Variants in EPHB4 observed in about 807,000 individuals in gnomAD.
The protein encoded by EPHB4 is ephrin type-B receptor 4.
In EPHB4, 50 loss-of-function variants were observed where a neutral mutation model predicts 110.6. That is an observed-to-expected ratio of 0.45 (90% CI 0.36 to 0.57). EPHB4 has a LOEUF of 0.57. Among genes scored for constraint, EPHB4 ranks in the 20% least tolerant of loss-of-function variants. The pLI, the probability that EPHB4 is intolerant of heterozygous loss-of-function variation, is 0.00. For synonymous variants in EPHB4, 592 were observed against 578.4 expected (o/e 1.02, Z -0.34); for missense variants, 1,128 against 1,382.1 (o/e 0.82, Z 2.91).
intron 12 of EPHB4, among the ~76,000 whole-genome samples, chr7:100,812,324 TCA>T (rs1812953630): frequency 6.6e-6 from 1 of 151,938 alleles, no homozygotes; most frequent in Admixed American, 6.6e-5. Context: ...GCGTGGTGCC[TCA>T]CACCTGTAAT....
At chr7:100,816,651 G>A (rs932904140) in intron 8 of EPHB4, among the ~76,000 whole-genome samples, 9 of 152,174 alleles carry the variant, frequency 5.9e-5, no homozygotes, top group South Asian at 4.1e-4. Context: ...AGCTTTGATC[G>A]AGCAACTGCG....
intron 14 of EPHB4, 48 bp downstream of exon 14, chr7:100,806,372 G>A: frequency 6.3e-7 from 1 of 1,576,778 alleles, no homozygotes; most frequent in Non-Finnish European, 8.6e-7. Context: ...CCAAATCCCA[G>A]GTGAGAGAAC....
In EPHB4 at chr7:100,805,154, G is replaced by A. The variant is rs777370884; in HGVS notation, c.2834+12C>T. ...CTCTCCCAGCCCCACTCCAGCTCCTGCCACTGCTTACTCAGCAGAGATCTG... is the reference window on the plus strand; with the variant it reads ...CTCTCCCAGCCCCACTCCAGCTCCTACCACTGCTTACTCAGCAGAGATCTG... On this transcript the variant is annotated intron_variant, in intron 16 of 16. Coordinates refer to ENST00000358173, the MANE Select transcript of EPHB4 (RefSeq NM_004444.5). 1 of 1,610,794 alleles carries A rather than the reference G, an allele frequency of 6.2e-7. No homozygotes were observed. The highest frequency in any genetic ancestry group is 1.7e-5 in the Admixed American group (1 of 59,580).
Position 100,811,754 on chromosome 7 carries a change from C to T in EPHB4, c.2118+993G>A, listed in dbSNP as rs376833342. On this transcript the variant is annotated intron_variant, in intron 12 of 16. Coordinates refer to ENST00000358173, the MANE Select transcript of EPHB4 (RefSeq NM_004444.5). ...GCATGGTGGTACATGAGTGTAGTTC[C>T]AGCTACTCAGGAGGCTGAGGCGGGA... Among the ~76,000 whole-genome samples, 162 of 151,408 alleles carry T rather than the reference C, an allele frequency of 1.1e-3. 1 individual carries two copies. The highest frequency in any genetic ancestry group is 3.2e-3 in the African/African-American group (131 of 41,232).
At chr7:100,826,790 A>T (rs1178296008) in intron 1 of EPHB4, 189 bp downstream of exon 1, 1 of 581,602 alleles carries the variant, frequency 1.7e-6, no homozygotes, top group Non-Finnish European at 2.9e-6. Context: ...AAACAAAAGA[A>T]AACTCCACTA....
At chr7:100,824,400 G>A (rs1813320132) in intron 1 of EPHB4, 127 bp from the exon 2 acceptor site, 5 of 994,416 alleles carry the variant, frequency 5.0e-6, no homozygotes, top group African/African-American at 3.2e-5. Context: ...GGGGCCAAGA[G>A]GGGAGCAAGC....
rs961958871 is a variant in EPHB4, at chr7:100,827,086, C to G, written c.-56G>C. ...TGAGTTTGGGGGGCCCTCGCCCCCC[C>G]AGGTCTGACTCTCCCTGGGCGGGTG... On this transcript the variant is annotated 5_prime_UTR_variant, in exon 1 of 17. Coordinates refer to ENST00000358173, the MANE Select transcript of EPHB4 (RefSeq NM_004444.5). 2.3e-4 allele frequency: 348 copies of G among 1,537,150 alleles called. No individual in the cohort carries two copies. The highest frequency in any genetic ancestry group is 3.0e-4 in the Non-Finnish European group (337 of 1,136,434).
Position 100,822,616 on chromosome 7 carries a change from C to T in EPHB4, c.463G>A (p.Ala155Thr). The part of the protein sequence containing the change: ...HLTRKRPGAE[A>T]TGKVNVKTLR... Reference sequence around the variant, plus strand: ...GTCTTGACATTCACCTTCCCGGTGGCCTCGGCCCCAGGGCGCTTCCGGGTG... The same window carrying T: ...GTCTTGACATTCACCTTCCCGGTGGTCTCGGCCCCAGGGCGCTTCCGGGTG... Residue 155 changes from alanine (A) to threonine (T), a missense_variant, in exon 4 of 17, where the codon GCC becomes ACC. Physicochemically the swap from Ala to Thr is moderately conservative, Grantham distance 58 (BLOSUM62 0). Coordinates refer to ENST00000358173, the MANE Select transcript of EPHB4 (RefSeq NM_004444.5). This position sits in a 1 kb window ranked among gnomAD's most constrained non-coding sequence, Gnocchi z 4.7. 1.2e-6 allele frequency: 2 copies of T among 1,603,140 alleles called. No individual in the cohort carries two copies. The highest frequency in any genetic ancestry group is 1.7e-6 in the Non-Finnish European group (2 of 1,173,232).
At chr7:100,814,340 G>A (rs938624389) in intron 8 of EPHB4, among the ~76,000 whole-genome samples, 1 of 152,164 alleles carries the variant, frequency 6.6e-6, no homozygotes, top group Admixed American at 6.5e-5. Flanking sequence ...GTGCAGTGGC[G>A]CAATCTCAGC....
chr7:100,827,154 C>G lies in EPHB4; in HGVS notation c.-124G>C, dbSNP rs2571606. 0.24 allele frequency: 258,081 copies of G among 1,055,592 alleles called. 35,701 individuals carry two copies. Among genetic ancestry groups the G allele is most frequent in the East Asian group, 0.61 (20,452 of 33,330 alleles). 65.4% of individuals were successfully genotyped at this position (1,055,592 alleles called of 1,614,324 possible). On this transcript the variant is annotated 5_prime_UTR_variant, in exon 1 of 17. Coordinates refer to ENST00000358173, the MANE Select transcript of EPHB4 (RefSeq NM_004444.5). The stretch of plus-strand genomic sequence containing the variant: ...CGGGACTCCTCGTCGGGGCCCTCAG[C>G]GCGGGCCCATGCGAGCGTGCGGGGC...
intron 14 of EPHB4, chr7:100,805,945 A>G: frequency 2.4e-6 from 1 of 411,506 alleles, no homozygotes; most frequent in East Asian, 3.7e-5. Context: ...TGCGACCCAA[A>G]TATGCTGTAC....
chr7:100,810,573 T>C (rs1043388002), intron 12 of EPHB4, among the ~76,000 whole-genome samples: 1 of 151,128 alleles, frequency 6.6e-6, no homozygotes, highest in African/African-American at 2.4e-5. Flanking sequence ...GAGACCCCCA[T>C]CTCCGTAAAA....
intron 8 of EPHB4, among the ~76,000 whole-genome samples, chr7:100,814,403 G>A (rs1401708389): frequency 1.3e-5 from 2 of 152,122 alleles, no homozygotes; most frequent in African/African-American, 4.8e-5. Flanking sequence ...TCAGCCTCCT[G>A]AGTAGCTGGG....
rs568361785 is a variant in EPHB4 at position 100,803,629 on chromosome 7, C to G, written c.2835-39G>C. ...GGAGAGCTTGGTGAGACCCTAGGTT[C>G]CCTGTGGCCGCTCTCCTCTCTTGGC... is the stretch of plus-strand genomic sequence containing the variant. On this transcript the variant is annotated intron_variant, in intron 16 of 16. Transcript: ENST00000358173. 3.2e-6 allele frequency: 5 copies of G among 1,557,050 alleles called. No individual in the cohort carries two copies. The South Asian group carries it at 3.6e-5, about 11-fold the overall frequency.
At position 100,816,278 on chromosome 7, in the gene EPHB4, T is replaced by C. The variant is rs182159812; in HGVS notation, c.1588+914A>G. Among the ~76,000 whole-genome samples the C allele has an allele frequency of 2.6e-5, 4 of 152,010 alleles. No individual in the cohort carries two copies. The East Asian group carries it at 5.8e-4, about 22-fold the overall frequency. On this transcript the variant is annotated intron_variant, in intron 8 of 16. Transcript: ENST00000358173. ...GAAGCTTCATGATATTCCCATTTTGTTGGATGGGGAATGGGGAGCTCAGGG... is the reference window on the plus strand; with the variant it reads ...GAAGCTTCATGATATTCCCATTTTGCTGGATGGGGAATGGGGAGCTCAGGG...
At chr7:100,819,532 A>T (rs776050409) in intron 6 of EPHB4, 25 bp downstream of exon 6, 1 of 1,532,566 alleles carries the variant, frequency 6.5e-7, no homozygotes, top group Non-Finnish European at 8.8e-7. Context: ...CCAGACCACC[A>T]GCCGCCCCAG....
chr7:100,812,020 A>G (rs1812946897), intron 12 of EPHB4, among the ~76,000 whole-genome samples: 1 of 152,016 alleles, frequency 6.6e-6, no homozygotes, highest in African/African-American at 2.4e-5. Flanking sequence ...TAAAAATACA[A>G]AATTAGTCAA....
intron 10 of EPHB4, 168 bp from the exon 11 acceptor site, chr7:100,813,376 C>T (rs914264430): frequency 4.6e-5 from 28 of 605,264 alleles, no homozygotes; most frequent in Admixed American, 3.1e-4. Context: ...AGCGCAGTGG[C>T]GCGATCTTGG....
In EPHB4 at chr7:100,813,912, C is replaced by A. The variant is rs1813005504; in HGVS notation, c.1691+7G>T. 3.1e-6 allele frequency: 5 copies of A among 1,613,876 alleles called. No homozygotes were observed. Among genetic ancestry groups the A allele is most frequent in the Non-Finnish European group, 4.2e-6 (5 of 1,179,870 alleles). On this transcript the variant is annotated splice_region_variant and intron_variant, in intron 9 of 16. Coordinates refer to ENST00000358173, the MANE Select transcript of EPHB4 (RefSeq NM_004444.5). ...TTCCAGGGGCCTCTGGGTGTCAGAG[C>A]CCTTACCTGAGGCAGAGAACTGCGA...
Sources: allele counts gnomAD v4.1 joint callset (sites outside exome capture counted in the v4.1 genomes callset), GRCh38; gene constraint gnomAD v4.1.1; non-coding constraint Gnocchi (gnomAD v3.1); transcripts MANE v1.5; gene names NCBI Gene and HGNC (gene_info 2026-07-23, HGNC 2026-07-21).